The following PMEL variants were observed in gnomAD, a reference collection of about 807,000 sequenced individuals.
The protein encoded by PMEL is melanocyte protein PMEL.
Under a neutral mutation model 64.9 loss-of-function variants are expected in PMEL, and 53 were observed. The ratio of observed to expected loss-of-function variants is 0.82; its 90% confidence interval spans 0.66 to 1.03. The LOEUF is 1.03. Ranked by LOEUF, PMEL falls within the 50% of genes least tolerant of loss-of-function variation. The probability of loss-of-function intolerance (pLI) is 0.00; values close to 1 mark genes in which losing one functional copy is unlikely to be tolerated. For synonymous variants in PMEL, 299 were observed against 316.2 expected (o/e 0.95, Z 0.58); for missense variants, 716 against 814.9 (o/e 0.88, Z 1.48).
At chr12:55,954,440 G>T in intron 10 of PMEL, 91 bp from the exon 11 acceptor site, 1 of 1,366,582 alleles carries the variant, frequency 7.3e-7, no homozygotes, top group Non-Finnish European at 1.0e-6. Context: ...CCATATCCCA[G>T]TCTGCTTAGC....
chr12:55,958,346 TA>T, intron 4 of PMEL, 126 bp downstream of exon 4: 1 of 1,014,644 alleles, frequency 9.9e-7, no homozygotes, highest in Non-Finnish European at 1.4e-6. Flanking sequence ...AGAAAAGATC[TA>T]AGAGGAAAAT....
intron 1 of PMEL, 93 bp from the exon 2 acceptor site, chr12:55,961,825 T>A: frequency 2.6e-6 from 2 of 761,376 alleles, no homozygotes; most frequent in Non-Finnish European, 4.3e-6. Flanking sequence ...ATTCTCACAT[T>A]CGAAGTGCAT....
chr12:55,957,586 G>T lies in PMEL; in HGVS notation c.717C>A (p.Thr239=), dbSNP rs144783078. Residue 239 remains threonine, a synonymous_variant, in exon 6 of 11, where the codon ACC becomes ACA. Coordinates refer to ENST00000548747, the MANE Select transcript of PMEL (RefSeq NM_001384361.1). ...TGGGGTCATGGAGCTGGAGGGCAAAGGTCAGAGGCTGATTTCTCAGGAAGT... is the reference window on the plus strand; with the variant it reads ...TGGGGTCATGGAGCTGGAGGGCAAATGTCAGAGGCTGATTTCTCAGGAAGT... ...NKHFLRNQPL[T]FALQLHDPSG... 1.2e-6 allele frequency: 2 copies of T among 1,613,800 alleles called. No individual in the cohort carries two copies. The highest frequency in any genetic ancestry group is 2.2e-5 in the East Asian group (1 of 44,868).
At chr12:55,958,408 A>C in intron 4 of PMEL, 65 bp downstream of exon 4, 1 of 1,517,434 alleles carries the variant, frequency 6.6e-7, no homozygotes, top group Non-Finnish European at 9.0e-7. Flanking sequence ...GGCCAAAAGA[A>C]AGGTGATCAG....
intron 3 of PMEL, 38 bp from the exon 4 acceptor site, chr12:55,958,645 A>T: frequency 1.9e-6 from 3 of 1,598,102 alleles, no homozygotes; most frequent in Non-Finnish European, 2.6e-6. Context: ...AAACCCTGGC[A>T]TTCTTTTTTG....
chr12:55,960,339 C>T (rs1411391285), intron 3 of PMEL, among the ~76,000 whole-genome samples: 1 of 151,628 alleles, frequency 6.6e-6, no homozygotes, highest in Non-Finnish European at 1.5e-5. Flanking sequence ...ACTTCTAGGT[C>T]CCCTGAATTC....
In PMEL at chr12:55,956,208, G is replaced by T; in HGVS notation, c.1366C>A (p.Pro456Thr). The T allele has an allele frequency of 6.2e-7, 1 of 1,612,014 alleles. No individual in the cohort carries two copies. The highest frequency in any genetic ancestry group is 8.5e-7 in the Non-Finnish European group (1 of 1,178,154). ...AAGGTGGCTGTACCATCCAGCAGGG[G>T]GCCCAGGGAACCTGGCAGGAGAGGA... ...STESITGSLG[P>T]LLDGTATLRL... The change falls in exon 7 of 11, where the codon CCC becomes ACC. Residue 456 changes from proline (P) to threonine (T), a missense_variant. Physicochemically the swap from Pro to Thr is conservative, Grantham distance 38. Coordinates refer to ENST00000548747, the MANE Select transcript of PMEL (RefSeq NM_001384361.1).
In PMEL at chr12:55,965,937, T is replaced by C. The variant is rs1043741468; in HGVS notation, c.75A>G (p.Lys25=). 11 of 1,614,030 alleles carry C rather than the reference T, an allele frequency of 6.8e-6. No homozygotes were observed. The highest frequency in any genetic ancestry group is 8.5e-6 in the Non-Finnish European group (10 of 1,180,020). Residue 25 remains lysine (K), a splice_region_variant and synonymous_variant, in exon 1 of 11, where the codon AAA becomes AAG. Coordinates refer to ENST00000548747, the MANE Select transcript of PMEL (RefSeq NM_001384361.1). The stretch of plus-strand genomic sequence containing the variant: ...TCATGTCCACATATCCACACATACC[T>C]TTTGTAGCCCCCACAGCCAGCAAAG... ...IGALLAVGAT[K]VPRNQDWLGV...
upstream of PMEL, chr12:55,966,513 A>T: frequency 3.9e-6 from 1 of 258,194 alleles, no homozygotes; most frequent in Non-Finnish European, 6.4e-6. Context: ...TTAGGTCGAT[A>T]CATATTTTCC....
intron 5 of PMEL, 72 bp from the exon 6 acceptor site, chr12:55,957,743 A>G: frequency 2.6e-6 from 4 of 1,543,992 alleles, no homozygotes; most frequent in Non-Finnish European, 3.5e-6. Flanking sequence ...CACACCCTCC[A>G]ACTCCAAGCT....
At chr12:55,966,658 C>T, upstream of PMEL, 2 of 1,064,578 alleles carry the variant, frequency 1.9e-6, no homozygotes, top group South Asian at 3.2e-5. Flanking sequence ...ACTTGTCTAG[C>T]CCCCAAGAAC....
intron 10 of PMEL, among the ~76,000 whole-genome samples, chr12:55,954,605 G>GA (rs1466751377): frequency 3.3e-5 from 5 of 152,150 alleles, no homozygotes; most frequent in Admixed American, 6.5e-5. Flanking sequence ...CTTGCAGGTA[G>GA]AAAACTCAGT....
rs1889096865 is a variant in PMEL, at chr12:55,961,381, G to A, written c.270C>T (p.Phe90=). 1.2e-6 allele frequency: 2 copies of A among 1,614,138 alleles called. No homozygotes were observed. Among genetic ancestry groups the A allele is most frequent in the Non-Finnish European group, 8.5e-7 (1 of 1,180,004 alleles). The change falls in exon 3 of 11, where the codon TTC becomes TTT. Residue 90 remains phenylalanine (F), a synonymous_variant. Transcript: ENST00000548747. ...CTGGCAATACCTTTTGGCTTCCAGG[G>A]AAGTTCAAGGCAATAGAGAAGGAGG... ...ANASFSIALN[F]PGSQKVLPDG...
intron 1 of PMEL, among the ~76,000 whole-genome samples, chr12:55,963,640 C>G (rs1043144441): frequency 7.3e-5 from 11 of 150,688 alleles, no homozygotes; most frequent in African/African-American, 2.7e-4. Flanking sequence ...TTGTTAAGAG[C>G]CTTAGGTGGG....
At chr12:55,965,846 C>T in intron 1 of PMEL, 90 bp downstream of exon 1, 2 of 1,488,036 alleles carry the variant, frequency 1.3e-6, no homozygotes, top group Non-Finnish European at 1.9e-6. Flanking sequence ...TGAAATATTG[C>T]CGCTATCTCC....
At chr12:55,958,147 A>G (rs1888967257) in intron 4 of PMEL, 63 bp from the exon 5 acceptor site, 1 of 1,560,596 alleles carries the variant, frequency 6.4e-7, no homozygotes, top group South Asian at 1.1e-5. Context: ...ACTGAGGGAC[A>G]GGCTTCGAAA....
At chr12:55,961,200 G>C in intron 3 of PMEL, 117 bp downstream of exon 3, 1 of 954,932 alleles carries the variant, frequency 1.0e-6, no homozygotes, top group Non-Finnish European at 1.6e-6. Flanking sequence ...GCGAGACTCC[G>C]TCTCAAAAAA....
intron 6 of PMEL, 67 bp from the exon 7 acceptor site, chr12:55,956,286 C>A: frequency 9.8e-7 from 1 of 1,015,798 alleles, no homozygotes; most frequent in Non-Finnish European, 1.5e-6. Context: ...AGAGGCCAAG[C>A]AGGCATTTTT....
intron 1 of PMEL, among the ~76,000 whole-genome samples, chr12:55,964,928 C>CTT (rs545848638): frequency 0.01 from 1,279 of 123,740 alleles, 19 homozygotes; most frequent in African/African-American, 0.02. Context: ...CATCCCCTTT[C>CTT]TTTTTTTTTT....
Sources: allele counts gnomAD v4.1 joint callset (sites outside exome capture counted in the v4.1 genomes callset), GRCh38; gene constraint gnomAD v4.1.1; transcripts MANE v1.5; gene names NCBI Gene and HGNC (gene_info 2026-07-23, HGNC 2026-07-21).